Variants in CNGB1 observed in about 807,000 individuals in gnomAD.
CNGB1 encodes the protein cyclic nucleotide gated channel subunit beta 1, also known as cyclic nucleotide-gated channel beta-1.
A neutral mutation model predicts 151.7 loss-of-function variants in CNGB1; 126 were observed. The observed-to-expected ratio is 0.83, with a 90% CI of 0.72 to 0.96. The LOEUF (loss-of-function observed/expected upper bound fraction) is 0.96, where lower values mean the gene tolerates loss of function less well. Ranked by LOEUF, CNGB1 falls within the 40% of genes least tolerant of loss-of-function variation. The pLI is 0.00. For synonymous variants in CNGB1, 623 were observed against 635.1 expected (o/e 0.98, Z 0.29); for missense variants, 1,698 against 1,627.0 (o/e 1.04, Z -0.75).
intron 24 of CNGB1, among the ~76,000 whole-genome samples, chr16:57,912,423 G>T (rs139074109): frequency 1.8e-3 from 275 of 152,348 alleles, no homozygotes; most frequent in Middle Eastern, 0.014. Flanking sequence ...AGGGGCATCG[G>T]ATATTCCTGG....
At chr16:57,892,351 G>A (rs1202231690) in intron 31 of CNGB1, among the ~76,000 whole-genome samples, 1 of 152,176 alleles carries the variant, frequency 6.6e-6, no homozygotes, top group Non-Finnish European at 1.5e-5. Context: ...TCCCTGGGGA[G>A]AGGAGGCACT....
chr16:57,914,128 AAG>A (rs1279399921), intron 23 of CNGB1, among the ~76,000 whole-genome samples: 12 of 152,238 alleles, frequency 7.9e-5, no homozygotes, highest in Non-Finnish European at 1.5e-4. Flanking sequence ...GGCTCACTTA[AAG>A]AGTTTTGTCC....
intron 12 of CNGB1, chr16:57,954,606 C>G: frequency 2.2e-6 from 2 of 891,112 alleles, no homozygotes; most frequent in Non-Finnish European, 2.7e-6. Context: ...CTATTCAGTC[C>G]ACCCACTTTT....
At chr16:57,915,647 C>T (rs1331519349) in intron 22 of CNGB1, among the ~76,000 whole-genome samples, 1 of 152,086 alleles carries the variant, frequency 6.6e-6, no homozygotes, top group Non-Finnish European at 1.5e-5. Flanking sequence ...GCCTGTAATC[C>T]CAGCAGTTTG....
chr16:57,965,766 C>G (rs1962379963), intron 2 of CNGB1, among the ~76,000 whole-genome samples: 1 of 152,124 alleles, frequency 6.6e-6, no homozygotes, highest in Admixed American at 6.5e-5. Flanking sequence ...GCATGTCACA[C>G]AAGCACATGG....
chr16:57,957,248 G>T, intron 12 of CNGB1, 93 bp downstream of exon 12: 1 of 1,259,876 alleles, frequency 7.9e-7, no homozygotes, highest in Non-Finnish European at 1.2e-6. Context: ...GGTCTGGCCA[G>T]GGACAGCCCC....
At chr16:57,908,708 C>A (rs1329569255) in intron 25 of CNGB1, among the ~76,000 whole-genome samples, 1 of 152,214 alleles carries the variant, frequency 6.6e-6, no homozygotes, top group African/African-American at 2.4e-5. Context: ...CATCCCTCGT[C>A]CCTCAAGCCT....
chr16:57,927,272 C>G (rs1362185158), intron 17 of CNGB1, among the ~76,000 whole-genome samples: 2 of 152,202 alleles, frequency 1.3e-5, no homozygotes, highest in Admixed American at 1.3e-4. Context: ...TCACTCCAAG[C>G]CATGGCCTTA....
chr16:57,904,539 G>C (rs1596963112), intron 26 of CNGB1, among the ~76,000 whole-genome samples, 195 bp downstream of exon 26: 1 of 152,162 alleles, frequency 6.6e-6, no homozygotes, highest in Non-Finnish European at 1.5e-5. Context: ...TGACCTCAGA[G>C]AGGGAATAGG....
At chr16:57,958,236 T>C (rs563152390) in intron 11 of CNGB1, among the ~76,000 whole-genome samples, 174 bp downstream of exon 11, 1 of 131,066 alleles carries the variant, frequency 7.6e-6, no homozygotes, top group East Asian at 2.1e-4. Flanking sequence ...TCCTGGCAGG[T>C]GGGGCTGGGC....
Position 57,884,271 on chromosome 16 carries a change from C to G in CNGB1, c.3649G>C (p.Glu1217Gln), listed in dbSNP as rs1056514077. 1 of 1,613,576 alleles carries G rather than the reference C, an allele frequency of 6.2e-7. No homozygotes were observed. Among genetic ancestry groups the G allele is most frequent in the Non-Finnish European group, 8.5e-7 (1 of 1,179,888 alleles). Residue 1217 changes from glutamate (E) to glutamine (Q), a missense_variant, in exon 33 of 33, where the codon GAG becomes CAG. Physicochemically the swap from Glu to Gln is conservative, Grantham distance 29. Transcript: ENST00000251102. Reference sequence around the variant, plus strand: ...ATCCTCACCGAGTGCTCTTCGGGCTCGGCCGGCCCCTCCTCCTCTCCCTCC... The same window carrying G: ...ATCCTCACCGAGTGCTCTTCGGGCTGGGCCGGCCCCTCCTCCTCTCCCTCC... Reference protein sequence around the residue: ...RPEGEEEGPAEPEEHSVRICM... With the variant: ...RPEGEEEGPAQPEEHSVRICM...
intron 23 of CNGB1, among the ~76,000 whole-genome samples, chr16:57,914,636 C>T (rs994875058): frequency 1.3e-5 from 2 of 152,300 alleles, no homozygotes; most frequent in East Asian, 1.9e-4. Context: ...ACCCTGATCA[C>T]GTGACAGGAC....
At chr16:57,938,674 C>T (rs1347733965) in intron 16 of CNGB1, among the ~76,000 whole-genome samples, 1 of 152,156 alleles carries the variant, frequency 6.6e-6, no homozygotes, top group African/African-American at 2.4e-5. Context: ...ACACACAGAG[C>T]CTCAGTTTTC....
At chr16:57,956,291 G>C (rs557553906) in intron 12 of CNGB1, among the ~76,000 whole-genome samples, 68 of 152,316 alleles carry the variant, frequency 4.5e-4, no homozygotes, top group African/African-American at 1.6e-3. Context: ...ACAGCCATGA[G>C]GGTCTCTGCT....
chr16:57,940,222 T>C lies in CNGB1; in HGVS notation c.1209+12A>G. 1 of 1,559,252 alleles carries C rather than the reference T, an allele frequency of 6.4e-7. No individual in the cohort carries two copies. Among genetic ancestry groups the C allele is most frequent in the Non-Finnish European group, 8.7e-7 (1 of 1,151,196 alleles). ...AGGCCTCAGAGGTGCCAGTGCCTGG[T>C]GCTTCTCATACCTGATCTGAAGTGC... On this transcript the variant is annotated intron_variant, in intron 15 of 32. Transcript: ENST00000251102.
chr16:57,888,404 C>T (rs990029116), intron 31 of CNGB1, among the ~76,000 whole-genome samples: 1 of 151,788 alleles, frequency 6.6e-6, no homozygotes, highest in African/African-American at 2.4e-5. Context: ...TCTCTCTCTC[C>T]TCTCTCTTCT....
At chr16:57,911,531 C>T (rs554921446) in intron 25 of CNGB1, among the ~76,000 whole-genome samples, 12 of 152,268 alleles carry the variant, frequency 7.9e-5, no homozygotes, top group African/African-American at 2.4e-4. Context: ...TCAGGTGATC[C>T]GCCTGCCTTG....
At chr16:57,903,511 C>T (rs1960446372) in intron 27 of CNGB1, among the ~76,000 whole-genome samples, 1 of 151,992 alleles carries the variant, frequency 6.6e-6, no homozygotes, top group Admixed American at 6.6e-5. Flanking sequence ...AATAAATAAA[C>T]AAACACACAA....
Position 57,967,122 on chromosome 16 carries a change from T to G in CNGB1, c.159+6A>C, listed in dbSNP as rs1962419015. The G allele has an allele frequency of 1.2e-6, 2 of 1,614,098 alleles. No individual in the cohort carries two copies. Among genetic ancestry groups the G allele is most frequent in the African/African-American group, 2.7e-5 (2 of 75,040 alleles). On this transcript the variant is annotated splice_donor_region_variant and intron_variant, in intron 2 of 32. Coordinates refer to ENST00000251102, the MANE Select transcript of CNGB1 (RefSeq NM_001297.5). The stretch of plus-strand genomic sequence containing the variant: ...GGCCTGCCCCTCCTCCCGCTCTACC[T>G]CTCACCATGGACTCGGACTCTGTCT...
Sources: allele counts gnomAD v4.1 joint callset (sites outside exome capture counted in the v4.1 genomes callset), GRCh38; gene constraint gnomAD v4.1.1; transcripts MANE v1.5; gene names NCBI Gene and HGNC (gene_info 2026-07-23, HGNC 2026-07-21).